Variants in AGMO observed in about 807,000 individuals in gnomAD.
AGMO encodes the protein glyceryl-ether monooxygenase.
In AGMO, 75 loss-of-function variants were observed where a neutral mutation model predicts 60.2. The observed-to-expected ratio is 1.25, with a 90% CI of 1.03 to 1.51. AGMO has a LOEUF of 1.51. Ranked by LOEUF, AGMO falls within the 40% of genes most tolerant of loss-of-function variation. AGMO has a pLI of 0.00. For missense variants in AGMO, 763 were observed against 525.5 expected (o/e 1.45, Z -4.42); for synonymous variants, 261 against 177.1 (o/e 1.47, Z -3.76).
Position 15,248,214 on chromosome 7 carries a change from A to ATATG in AGMO, c.1264-46856_1264-46855insCATA, listed in dbSNP as rs1554401269. 1.3e-3 allele frequency among the ~76,000 whole-genome samples: 95 copies of ATATG among 71,158 alleles called. 5 individuals are homozygous for ATATG. Among genetic ancestry groups the ATATG allele is most frequent in the Admixed American group, 1.7e-3 (10 of 5,874 alleles). The allele number at this position is 71,158 out of a possible 152,430, so 46.7% of individuals were successfully genotyped here. A position where few individuals can be genotyped will look rare whatever the true frequency, so the allele number is the denominator to read the frequency against. ...TATATATATATATATATATATATATATATATATATATCTTCATCTTCAATT... is the reference window on the plus strand; with the variant it reads ...TATATATATATATATATATATATATATATGTATATATATATCTTCATCTTCAATT... On this transcript the variant is annotated intron_variant, in intron 12 of 12. Coordinates refer to ENST00000342526, the MANE Select transcript of AGMO (RefSeq NM_001004320.2).
At chr7:15,487,355 T>C (rs922477038) in intron 3 of AGMO, among the ~76,000 whole-genome samples, 3 of 152,124 alleles carry the variant, frequency 2.0e-5, no homozygotes, top group Non-Finnish European at 1.5e-5. Context: ...ATAAGTGTGA[T>C]TGGGGCATCT....
At chr7:15,290,319 G>A (rs1241181028) in intron 12 of AGMO, among the ~76,000 whole-genome samples, 4 of 152,054 alleles carry the variant, frequency 2.6e-5, no homozygotes, top group South Asian at 2.1e-4. Flanking sequence ...GAGCCACTGC[G>A]CCTGGCCAAA....
chr7:15,345,359 T>C (rs1032884048), intron 12 of AGMO, among the ~76,000 whole-genome samples: 4 of 152,188 alleles, frequency 2.6e-5, no homozygotes, highest in Non-Finnish European at 5.9e-5. Context: ...AAGACCAAGC[T>C]TGGTCTGGAT....
At chr7:15,184,424 A>AAG in the AGMO span, among the ~76,000 whole-genome samples, 1 of 71,686 alleles carries the variant, frequency 1.4e-5, no homozygotes, top group Non-Finnish European at 2.9e-5. Flanking sequence ...AAGGAAGGAA[A>AAG]AGAAGGAAGG....
intron 3 of AGMO, among the ~76,000 whole-genome samples, chr7:15,484,258 C>A (rs1782851080): frequency 6.6e-6 from 1 of 152,052 alleles, no homozygotes; most frequent in Non-Finnish European, 1.5e-5. Context: ...TTATTATTAT[C>A]ATTATAGATC....
the AGMO span, among the ~76,000 whole-genome samples, chr7:15,121,951 A>G: frequency 3.9e-5 from 6 of 152,122 alleles, no homozygotes; most frequent in Non-Finnish European, 8.8e-5. Context: ...ACCATTAAAA[A>G]CCCTGGAAGA....
chr7:15,489,413 A>C (rs1392783595), intron 3 of AGMO, among the ~76,000 whole-genome samples: 1 of 152,160 alleles, frequency 6.6e-6, no homozygotes, highest in Non-Finnish European at 1.5e-5. Context: ...AGTCTTGGCT[A>C]TTGTTATATT....
At chr7:15,324,675 C>T (rs766914435) in intron 12 of AGMO, among the ~76,000 whole-genome samples, 9 of 152,026 alleles carry the variant, frequency 5.9e-5, no homozygotes, top group Admixed American at 2.0e-4. Context: ...TGGTGGGGGG[C>T]GGTGTCGGGG....
chr7:15,484,309 G>T (rs1782853447), intron 3 of AGMO, among the ~76,000 whole-genome samples: 1 of 151,740 alleles, frequency 6.6e-6, no homozygotes, highest in South Asian at 2.1e-4. Flanking sequence ...CCATTCTTTG[G>T]CCTGGTACAA....
intron 12 of AGMO, among the ~76,000 whole-genome samples, chr7:15,347,845 T>C (rs764840285): frequency 9.9e-5 from 15 of 152,028 alleles, no homozygotes; most frequent in African/African-American, 1.4e-4. Flanking sequence ...CTAAATTAAA[T>C]ACAGTCTGTA....
At chr7:15,415,239 G>A (rs1780730875) in intron 5 of AGMO, among the ~76,000 whole-genome samples, 1 of 151,834 alleles carries the variant, frequency 6.6e-6, no homozygotes, top group African/African-American at 2.4e-5. Context: ...TGGGACTACA[G>A]GCACCCGCCA....
At chr7:15,386,977 G>T (rs181712587) in intron 9 of AGMO, among the ~76,000 whole-genome samples, 3 of 152,138 alleles carry the variant, frequency 2.0e-5, no homozygotes, top group Admixed American at 6.5e-5. Flanking sequence ...CTGTCTTAAT[G>T]TGACTTTAGA....
chr7:15,274,521 G>A (rs567418173), intron 12 of AGMO, among the ~76,000 whole-genome samples: 30 of 152,124 alleles, frequency 2.0e-4, no homozygotes, highest in Admixed American at 7.9e-4. Context: ...TGGTTTGATT[G>A]GTCTATGTTT....
intron 3 of AGMO, among the ~76,000 whole-genome samples, chr7:15,498,009 A>G (rs1251348745): frequency 1.3e-5 from 2 of 151,544 alleles, no homozygotes; most frequent in Non-Finnish European, 2.9e-5. Flanking sequence ...AAGTTATACT[A>G]TGTATACTGC....
At chr7:15,375,252 G>C (rs186309455) in intron 10 of AGMO, among the ~76,000 whole-genome samples, 95 of 151,984 alleles carry the variant, frequency 6.3e-4, no homozygotes, top group Non-Finnish European at 2.5e-4. Context: ...ACTTTTAATA[G>C]GAAACTTTTA....
intron 6 of AGMO, among the ~76,000 whole-genome samples, chr7:15,393,812 A>G (rs918786081): frequency 2.6e-5 from 4 of 152,186 alleles, no homozygotes; most frequent in African/African-American, 4.8e-5. Flanking sequence ...TTTAAAACAT[A>G]AAATGTGTAT....
At chr7:15,120,554 CCTT>C in the AGMO span, among the ~76,000 whole-genome samples, 2 of 152,182 alleles carry the variant, frequency 1.3e-5, no homozygotes, top group East Asian at 1.9e-4. Flanking sequence ...GACTACAACT[CCTT>C]CTCTCCACCC....
At chr7:15,247,455 C>CAGAGAGAGAGAG (rs1201390163) in intron 12 of AGMO, among the ~76,000 whole-genome samples, 5 of 120,296 alleles carry the variant, frequency 4.2e-5, no homozygotes, top group African/African-American at 1.0e-4. Flanking sequence ...CACACACACA[C>CAGAGAGAGAGAG]ACACAGAGAG....
chr7:15,496,488 G>A (rs1233525417), intron 3 of AGMO, among the ~76,000 whole-genome samples: 1 of 151,804 alleles, frequency 6.6e-6, no homozygotes, highest in Non-Finnish European at 1.5e-5. Flanking sequence ...GTAACATATT[G>A]TGTGTCTTAG....
Sources: allele counts gnomAD v4.1 joint callset (sites outside exome capture counted in the v4.1 genomes callset), GRCh38; gene constraint gnomAD v4.1.1; transcripts MANE v1.5; gene names NCBI Gene and HGNC (gene_info 2026-07-23, HGNC 2026-07-21).